Variants in EYS observed in about 807,000 individuals in gnomAD.
The protein encoded by EYS is EGF-like photoreceptor maintenance factor.
Under a neutral mutation model 282.1 loss-of-function variants are expected in EYS, and 250 were observed. That is an observed-to-expected ratio of 0.89 (90% CI 0.80 to 0.98). EYS has a LOEUF of 0.98. Ranked by LOEUF, EYS falls within the 50% of genes least tolerant of loss-of-function variation. The pLI is 0.00. For missense variants in EYS, 4,016 were observed against 3,709.0 expected (o/e 1.08, Z -2.15); for synonymous variants, 1,355 against 1,282.9 (o/e 1.06, Z -1.20).
intron 13 of EYS, among the ~76,000 whole-genome samples, chr6:65,017,740 A>G (rs1171567590): frequency 1.3e-5 from 2 of 152,244 alleles, no homozygotes; most frequent in Non-Finnish European, 2.9e-5. Context: ...CTAAACCACA[A>G]AATGGCTAAC....
chr6:64,408,036 AT>A (rs970366737), intron 28 of EYS, among the ~76,000 whole-genome samples: 4 of 151,566 alleles, frequency 2.6e-5, no homozygotes, highest in Non-Finnish European at 5.9e-5. Context: ...CGCACACATT[AT>A]TTTTTTTTAA....
rs60684321 is a variant in EYS, at chr6:64,989,394, A to AATATATATATATATATATATATATAT, written c.2259+8187_2259+8188insATATATATATATATATATATATATAT. Among the ~76,000 whole-genome samples, 259 of 69,698 alleles carry AATATATATATATATATATATATATAT rather than the reference A, an allele frequency of 3.7e-3. 30 individuals carry two copies. The highest frequency in any genetic ancestry group is 6.5e-3 in the East Asian group (19 of 2,924). 45.7% of individuals were successfully genotyped at this position (69,698 alleles called of 152,430 possible). On this transcript the variant is annotated intron_variant, in intron 14 of 42. Coordinates refer to ENST00000503581, the MANE Select transcript of EYS (RefSeq NM_001142800.2). Reference sequence around the variant, plus strand: ...AAGAGGCTATTTACTGGCTAGCTGTAATATATATATATATATATATATGAA... The same window carrying AATATATATATATATATATATATATAT: ...AAGAGGCTATTTACTGGCTAGCTGTAATATATATATATATATATATATATATATATATATATATATATATATATGAA...
intron 22 of EYS, among the ~76,000 whole-genome samples, chr6:64,745,318 C>A (rs1772518754): frequency 1.3e-5 from 2 of 151,996 alleles, no homozygotes; most frequent in Non-Finnish European, 2.9e-5. Flanking sequence ...AAATGGCAGT[C>A]ATTTATGGGC....
chr6:64,809,662 G>A (rs1455491766), intron 22 of EYS, among the ~76,000 whole-genome samples: 1 of 151,996 alleles, frequency 6.6e-6, no homozygotes, highest in Non-Finnish European at 1.5e-5. Flanking sequence ...ATGAAATTAT[G>A]CCCTTTGCAG....
At chr6:63,723,760 C>G in intron 42 of EYS, among the ~76,000 whole-genome samples, 1 of 150,540 alleles carries the variant, frequency 6.6e-6, no homozygotes, top group East Asian at 1.9e-4. Flanking sequence ...ATATGATGCT[C>G]TAGTTATGGG....
intron 12 of EYS, among the ~76,000 whole-genome samples, chr6:65,179,874 C>T (rs1765328644): frequency 6.6e-6 from 1 of 152,056 alleles, no homozygotes; most frequent in African/African-American, 2.4e-5. Flanking sequence ...AAGTGGGCTT[C>T]ATCCCTGGGA....
chr6:65,350,602 G>A (rs1304074567), intron 9 of EYS, among the ~76,000 whole-genome samples: 2 of 151,378 alleles, frequency 1.3e-5, no homozygotes, highest in Admixed American at 6.6e-5. Flanking sequence ...TTCTTTTTTT[G>A]TCTAGGATTT....
intron 13 of EYS, among the ~76,000 whole-genome samples, chr6:65,048,522 C>T (rs1773170202): frequency 6.6e-6 from 1 of 151,846 alleles, no homozygotes; most frequent in South Asian, 2.1e-4. Flanking sequence ...TTCTTAGTAA[C>T]CAATCCTATG....
At chr6:64,870,214 C>A (rs1766549134) in intron 19 of EYS, among the ~76,000 whole-genome samples, 2 of 151,342 alleles carry the variant, frequency 1.3e-5, no homozygotes, top group African/African-American at 4.8e-5. Context: ...CTGCATACAC[C>A]CCAAATCTTA....
chr6:65,166,506 T>G (rs1412728498), intron 12 of EYS, among the ~76,000 whole-genome samples: 1 of 151,196 alleles, frequency 6.6e-6, no homozygotes. Context: ...GGTATTATTT[T>G]GTTTATCCAC....
chr6:65,064,249 G>C (rs965226211), intron 12 of EYS, among the ~76,000 whole-genome samples: 1 of 125,504 alleles, frequency 8.0e-6, no homozygotes, highest in Non-Finnish European at 1.6e-5. Flanking sequence ...TGATATATAT[G>C]ATATATATAT....
intron 35 of EYS, among the ~76,000 whole-genome samples, chr6:63,944,118 TC>T (rs981783875): frequency 4.6e-5 from 7 of 152,140 alleles, no homozygotes; most frequent in Admixed American, 4.6e-4. Context: ...AGACAATGAC[TC>T]TTTTTTCTGT....
At chr6:64,573,023 A>G (rs2149818705) in intron 26 of EYS, among the ~76,000 whole-genome samples, 1 of 152,302 alleles carries the variant, frequency 6.6e-6, no homozygotes, top group Non-Finnish European at 1.5e-5. Context: ...ACTTCAAACT[A>G]TGCTACAAGG....
At chr6:64,612,288 T>C (rs1276251950) in intron 24 of EYS, among the ~76,000 whole-genome samples, 1 of 152,118 alleles carries the variant, frequency 6.6e-6, no homozygotes, top group African/African-American at 2.4e-5. Flanking sequence ...TTTCATCGAC[T>C]CTATCATTTA....
intron 12 of EYS, among the ~76,000 whole-genome samples, chr6:65,162,840 T>C (rs1419681495): frequency 1.3e-5 from 2 of 151,080 alleles, no homozygotes; most frequent in Non-Finnish European, 3.0e-5. Context: ...ACAATCTCCA[T>C]CATCCTTGGC....
intron 12 of EYS, among the ~76,000 whole-genome samples, chr6:65,172,411 A>C (rs2150228174): frequency 6.6e-6 from 1 of 151,560 alleles, no homozygotes; most frequent in South Asian, 2.1e-4. Flanking sequence ...AAGAATGCTG[A>C]CAAATAGCAT....
intron 30 of EYS, among the ~76,000 whole-genome samples, chr6:64,269,529 C>CA: frequency 6.6e-6 from 1 of 151,010 alleles, no homozygotes; most frequent in South Asian, 2.1e-4. Flanking sequence ...ACAAACAAAC[C>CA]AAAAAAATAG....
Position 63,806,210 on chromosome 6 carries a change from A to G in EYS, c.7391T>C (p.Phe2464Ser). Residue 2464 changes from phenylalanine (F) to serine (S), a missense_variant, in exon 37 of 43, where the codon TTT becomes TCT. By Grantham distance (155) the Phe-to-Ser change is radical. Coordinates refer to ENST00000503581, the MANE Select transcript of EYS (RefSeq NM_001142800.2). ...HSALQNNLIF[F>S]TGQKGHGLNG... Reference sequence around the variant, plus strand: ...CTTACCATGGCCTTTCTGTCCAGTAAAAAATATCAAGTTATTTTGCAGTGC... The same window carrying G: ...CTTACCATGGCCTTTCTGTCCAGTAGAAAATATCAAGTTATTTTGCAGTGC... The G allele has an allele frequency of 6.4e-7, 1 of 1,551,450 alleles. No homozygotes were observed. The highest frequency in any genetic ancestry group is 8.7e-7 in the Non-Finnish European group (1 of 1,146,786).
At chr6:65,006,934 A>C (rs1047806983) in intron 13 of EYS, among the ~76,000 whole-genome samples, 2 of 152,226 alleles carry the variant, frequency 1.3e-5, no homozygotes, top group Non-Finnish European at 2.9e-5. Context: ...ATGAATTTGC[A>C]TAAGAACTGT....
Sources: allele counts gnomAD v4.1 joint callset (sites outside exome capture counted in the v4.1 genomes callset), GRCh38; gene constraint gnomAD v4.1.1; transcripts MANE v1.5; gene names NCBI Gene and HGNC (gene_info 2026-07-23, HGNC 2026-07-21).